The following NAALADL2 variants were observed in gnomAD, a reference collection of about 807,000 sequenced individuals.
The protein encoded by NAALADL2 is inactive N-acetylated-alpha-linked acidic dipeptidase-like protein 2.
In NAALADL2, 76 loss-of-function variants were observed where a neutral mutation model predicts 87.2. The ratio of observed to expected loss-of-function variants is 0.87; its 90% confidence interval spans 0.72 to 1.05. The LOEUF is 1.05. Ranked by LOEUF, NAALADL2 falls within the 50% of genes least tolerant of loss-of-function variation. The pLI is 0.00. For missense variants in NAALADL2, 1,089 were observed against 945.8 expected (o/e 1.15, Z -1.99); for synonymous variants, 354 against 331.0 (o/e 1.07, Z -0.75).
chr3:174,522,490 C>T (rs1720364505), intron 1 of NAALADL2, among the ~76,000 whole-genome samples: 2 of 151,762 alleles, frequency 1.3e-5, no homozygotes. Flanking sequence ...GACTTCATCT[C>T]TCCAAAAAAA....
intron 2 of NAALADL2, among the ~76,000 whole-genome samples, chr3:174,663,388 A>G (rs1464498392): frequency 6.6e-6 from 1 of 152,198 alleles, no homozygotes; most frequent in African/African-American, 2.4e-5. Context: ...ATTCATAAGG[A>G]AAAGAGGTTT....
At chr3:175,153,625 T>C (rs182629475) in intron 2 of NAALADL2, among the ~76,000 whole-genome samples, 234 of 152,316 alleles carry the variant, frequency 1.5e-3, no homozygotes, top group Non-Finnish European at 1.4e-3. Context: ...TTTTAAACAG[T>C]TTAAACAGAA....
chr3:174,940,890 A>ATCT (rs113161513), intron 1 of NAALADL2, among the ~76,000 whole-genome samples: 6,238 of 151,318 alleles, frequency 0.041, 425 homozygotes, highest in African/African-American at 0.14. Flanking sequence ...GTTTATTTGG[A>ATCT]TCTTTCTTTT....
intron 9 of NAALADL2, among the ~76,000 whole-genome samples, chr3:175,552,918 C>G (rs1422443859): frequency 6.6e-6 from 1 of 152,042 alleles, no homozygotes; most frequent in Non-Finnish European, 1.5e-5. Context: ...AGAGATACTT[C>G]TGGTGACAAA....
rs1754922956 is a variant in NAALADL2 at position 175,808,868 on chromosome 3, T to A, written c.*5665T>A. On this transcript the variant is annotated 3_prime_UTR_variant, in exon 14 of 14. Coordinates refer to ENST00000454872, the MANE Select transcript of NAALADL2 (RefSeq NM_207015.3). Reference sequence around the variant, plus strand: ...AGTGGAGTTAGAGTCCCTATTTTAATGAACTACATATATTTTTCAATCAAA... The same window carrying A: ...AGTGGAGTTAGAGTCCCTATTTTAAAGAACTACATATATTTTTCAATCAAA... 6.6e-6 allele frequency: 1 copy of A among 151,998 alleles called. No homozygotes were observed. The highest frequency in any genetic ancestry group is 2.4e-5 in the African/African-American group (1 of 41,422). 9.4% of individuals were successfully genotyped at this position (151,998 alleles called of 1,614,324 possible). A position where few individuals can be genotyped will look rare whatever the true frequency, so the allele number is the denominator to read the frequency against.
In NAALADL2 at chr3:175,783,193, T is replaced by C. The variant is rs1576812946; in HGVS notation, c.2190-19812T>C. 3.3e-5 allele frequency among the ~76,000 whole-genome samples: 5 copies of C among 152,332 alleles called. No individual in the cohort carries two copies. The South Asian group carries it at 1.0e-3, about 32-fold the overall frequency. The stretch of plus-strand genomic sequence containing the variant: ...AGGACTGACTTGGTGATGCAGGCTC[T>C]TTTTTGGTTCCATAAGAACTTTAAA... On this transcript the variant is annotated intron_variant, in intron 13 of 13. Transcript: ENST00000454872.
intron 2 of NAALADL2, among the ~76,000 whole-genome samples, chr3:174,556,589 CCTT>C (rs1712851775): frequency 6.6e-6 from 1 of 151,984 alleles, no homozygotes; most frequent in African/African-American, 2.4e-5. Context: ...TAGCAGTTGT[CCTT>C]CTTAATACAC....
chr3:174,543,062 C>T (rs955695203), intron 1 of NAALADL2, among the ~76,000 whole-genome samples: 77 of 151,996 alleles, frequency 5.1e-4, no homozygotes, highest in African/African-American at 1.7e-3. Context: ...TAGCAGGTAA[C>T]GTCAGGGAGA....
At chr3:175,566,952 A>G (rs1717243283) in intron 9 of NAALADL2, among the ~76,000 whole-genome samples, 1 of 152,186 alleles carries the variant, frequency 6.6e-6, no homozygotes, top group East Asian at 1.9e-4. Flanking sequence ...ATATTCAAAC[A>G]TGTCTTTTTC....
intron 4 of NAALADL2, among the ~76,000 whole-genome samples, chr3:175,285,090 G>T (rs1419193566): frequency 6.6e-6 from 1 of 152,052 alleles, no homozygotes; most frequent in Non-Finnish European, 1.5e-5. Context: ...TTCATTATTA[G>T]AAATATTTGT....
intron 2 of NAALADL2, among the ~76,000 whole-genome samples, chr3:175,205,926 T>C (rs4359821): frequency 0.076 from 11,531 of 151,422 alleles, 1,179 homozygotes; most frequent in African/African-American, 0.23. Context: ...ACAATGGCCA[T>C]AATAAAAAAA....
intron 3 of NAALADL2, among the ~76,000 whole-genome samples, chr3:174,772,266 T>C (rs1028607819): frequency 2.0e-5 from 3 of 152,160 alleles, no homozygotes; most frequent in Non-Finnish European, 4.4e-5. Context: ...AAAATATGTG[T>C]GTAGGGTTTT....
chr3:174,736,140 C>T (rs975875848), intron 2 of NAALADL2, among the ~76,000 whole-genome samples: 1 of 152,110 alleles, frequency 6.6e-6, no homozygotes, highest in African/African-American at 2.4e-5. Context: ...CTCAGAGCCC[C>T]AGAGAGAGTG....
chr3:174,558,595 C>G (rs193297974), intron 2 of NAALADL2, among the ~76,000 whole-genome samples: 1 of 151,964 alleles, frequency 6.6e-6, no homozygotes, highest in Non-Finnish European at 1.5e-5. Flanking sequence ...GGTTCGTGCT[C>G]CCCTGAAAAT....
intron 2 of NAALADL2, among the ~76,000 whole-genome samples, chr3:174,632,830 G>A (rs1722246162): frequency 6.6e-6 from 1 of 151,062 alleles, no homozygotes; most frequent in Admixed American, 6.6e-5. Flanking sequence ...AGCTACTCAG[G>A]GGGCTGAGGC....
At chr3:175,218,572 C>A (rs1275489359) in intron 2 of NAALADL2, among the ~76,000 whole-genome samples, 1 of 151,678 alleles carries the variant, frequency 6.6e-6, no homozygotes, top group Non-Finnish European at 1.5e-5. Flanking sequence ...ACTTGTGCAC[C>A]CTCTCAAGTC....
chr3:175,086,150 T>C (rs1429124920), intron 1 of NAALADL2, among the ~76,000 whole-genome samples: 1 of 152,190 alleles, frequency 6.6e-6, no homozygotes, highest in African/African-American at 2.4e-5. Context: ...ATATTTGGAA[T>C]GATAGAGGAA....
intron 3 of NAALADL2, among the ~76,000 whole-genome samples, chr3:174,819,605 T>C (rs544923237): frequency 3.3e-5 from 5 of 152,274 alleles, no homozygotes; most frequent in South Asian, 4.1e-4. Flanking sequence ...TGGGAGTTCA[T>C]AGCTTTTTGA....
At chr3:174,574,332 A>T (rs1715286745) in intron 2 of NAALADL2, among the ~76,000 whole-genome samples, 1 of 152,100 alleles carries the variant, frequency 6.6e-6, no homozygotes. Flanking sequence ...CATACATTAT[A>T]TTTTTGAACT....
Sources: gnomAD v4.1 joint callset for allele counts (sites outside exome capture counted in the v4.1 genomes callset) on GRCh38, gnomAD v4.1.1 for gene constraint, MANE v1.5 for transcripts, NCBI Gene and HGNC (gene_info 2026-07-23, HGNC 2026-07-21) for gene names.